The following ATP10D variants were observed in gnomAD, a reference collection of about 807,000 sequenced individuals.
The protein encoded by ATP10D is ATPase phospholipid transporting 10D (putative), also known as phospholipid-transporting ATPase VD.
In ATP10D, 89 loss-of-function variants were observed where a neutral mutation model predicts 144.8. The observed-to-expected ratio is 0.61, with a 90% CI of 0.52 to 0.73. The LOEUF (loss-of-function observed/expected upper bound fraction) is 0.73, where lower values mean the gene tolerates loss of function less well. Ranked by LOEUF, ATP10D falls within the 30% of genes least tolerant of loss-of-function variation. ATP10D has a pLI of 0.00. For missense variants in ATP10D, 1,603 were observed against 1,714.8 expected (o/e 0.93, Z 1.15); for synonymous variants, 571 against 615.1 (o/e 0.93, Z 1.06).
chr4:47,535,596 G>C lies in ATP10D; in HGVS notation c.864G>C (p.Val288=). The C allele has an allele frequency of 1.2e-6, 2 of 1,612,388 alleles. No homozygotes were observed. The highest frequency in any genetic ancestry group is 1.7e-6 in the Non-Finnish European group (2 of 1,179,288). ...CCATTAGAAACACAGAGGCTGTTGT[G>C]GGCATTGTGGTTTATGCAGGTCGGT... ...GCTIRNTEAV[V]GIVVYAGHET... The change falls in exon 6 of 23, where the codon GTG becomes GTC. Residue 288 remains valine (V), a synonymous_variant. Transcript: ENST00000273859.
chr4:47,570,223 G>A (rs1719878873), intron 16 of ATP10D, among the ~76,000 whole-genome samples: 1 of 152,152 alleles, frequency 6.6e-6, no homozygotes, highest in South Asian at 2.1e-4. Flanking sequence ...TGAAAAATGG[G>A]CATGGTCTGA....
At chr4:47,559,783 T>G (rs1405174537) in intron 13 of ATP10D, among the ~76,000 whole-genome samples, 1 of 152,092 alleles carries the variant, frequency 6.6e-6, no homozygotes, top group Non-Finnish European at 1.5e-5. Flanking sequence ...GTGGATCACC[T>G]GAGGTCAGGA....
intron 3 of ATP10D, among the ~76,000 whole-genome samples, chr4:47,521,439 T>C (rs1716939733): frequency 6.6e-6 from 1 of 152,190 alleles, no homozygotes; most frequent in Admixed American, 6.5e-5. Context: ...TTTCATCTTT[T>C]ATGTATCTGT....
intron 10 of ATP10D, chr4:47,547,473 T>C (rs1364494998): frequency 2.6e-5 from 4 of 152,252 alleles, no homozygotes; most frequent in Admixed American, 6.5e-5. Flanking sequence ...GAGGACCATG[T>C]AGATGATGGG....
At chr4:47,584,111 A>T (rs997969905) in intron 21 of ATP10D, among the ~76,000 whole-genome samples, 1 of 152,180 alleles carries the variant, frequency 6.6e-6, no homozygotes, top group African/African-American at 2.4e-5. Flanking sequence ...AGGATGCATC[A>T]TTAGAGAATT....
At position 47,535,516 on chromosome 4, in the gene ATP10D, T is replaced by C; in HGVS notation, c.784T>C (p.Ser262Pro). Reference protein sequence around the residue: ...LSRFRGFLEHSNKERVGLSKE... With the variant: ...LSRFRGFLEHPNKERVGLSKE... ...ATGCTGTCTTTCTTATAGAGAACAT[T>C]CCAACAAAGAACGCGTGGGTCTCAG... The change falls in exon 6 of 23, where the codon TCC becomes CCC. Residue 262 changes from serine to proline, a missense_variant. Coordinates refer to ENST00000273859, the MANE Select transcript of ATP10D (RefSeq NM_020453.4). 2 of 1,609,518 alleles carry C rather than the reference T, an allele frequency of 1.2e-6. No individual in the cohort carries two copies. Among genetic ancestry groups the C allele is most frequent in the Non-Finnish European group, 1.7e-6 (2 of 1,178,302 alleles).
intron 16 of ATP10D, among the ~76,000 whole-genome samples, chr4:47,569,391 A>G (rs1719825552): frequency 8.6e-6 from 1 of 116,400 alleles, no homozygotes; most frequent in African/African-American, 3.3e-5. Context: ...TTCTTAGTTC[A>G]GTGTCAGACC....
intron 10 of ATP10D, among the ~76,000 whole-genome samples, chr4:47,551,382 T>C (rs1289911175): frequency 1.3e-5 from 2 of 152,224 alleles, no homozygotes; most frequent in East Asian, 3.8e-4. Context: ...GGAAGCTGTC[T>C]ACATCATACT....
chr4:47,565,598 G>A (rs1370380733), intron 15 of ATP10D, among the ~76,000 whole-genome samples: 1 of 151,964 alleles, frequency 6.6e-6, no homozygotes, highest in Non-Finnish European at 1.5e-5. Flanking sequence ...TGGGGTTTTT[G>A]TGAGCATTAA....
chr4:47,519,242 G>C (rs1011311520), intron 3 of ATP10D, among the ~76,000 whole-genome samples: 4 of 152,058 alleles, frequency 2.6e-5, no homozygotes, highest in Admixed American at 2.6e-4. Context: ...TCCCTTACCA[G>C]CTCCCATCCT....
In ATP10D at chr4:47,553,926, A is replaced by G. The variant is rs540026703; in HGVS notation, c.1636-800A>G. Among the ~76,000 whole-genome samples, 12 of 152,336 alleles carry G rather than the reference A, an allele frequency of 7.9e-5. No homozygotes were observed. The East Asian group carries it at 2.3e-3, about 29-fold the overall frequency. On this transcript the variant is annotated intron_variant, in intron 10 of 22. Coordinates refer to ENST00000273859, the MANE Select transcript of ATP10D (RefSeq NM_020453.4). ...TAGAATACAATGGTGCTTTTGTACA[A>G]CCTTGATTTTGAGCATGTGGTTCCT...
rs75013050 is a variant in ATP10D at position 47,578,939 on chromosome 4, C to T, written c.3568-1459C>T. On this transcript the variant is annotated intron_variant, in intron 19 of 22. Coordinates refer to ENST00000273859, the MANE Select transcript of ATP10D (RefSeq NM_020453.4). ...ATTTGTATATTTATAAAGATTTGTT[C>T]TTTAAGAGACAGTGAGACATTTTCA... Among the ~76,000 whole-genome samples, 399 of 152,248 alleles carry T rather than the reference C, an allele frequency of 2.6e-3. 2 individuals are homozygous for T. Among genetic ancestry groups the T allele is most frequent in the African/African-American group, 9.1e-3 (377 of 41,554 alleles).
chr4:47,567,415 T>A (rs1227483817), intron 15 of ATP10D, among the ~76,000 whole-genome samples: 1 of 152,230 alleles, frequency 6.6e-6, no homozygotes, highest in Non-Finnish European at 1.5e-5. Context: ...CAATTTAAAA[T>A]CATATTTTGG....
intron 1 of ATP10D, among the ~76,000 whole-genome samples, chr4:47,509,268 A>T (rs897700797): frequency 7.2e-5 from 11 of 152,186 alleles, no homozygotes; most frequent in African/African-American, 2.7e-4. Flanking sequence ...ACATCCACTG[A>T]AATAAAATAA....
chr4:47,487,005 C>G (rs891501075), intron 1 of ATP10D, among the ~76,000 whole-genome samples: 1 of 151,932 alleles, frequency 6.6e-6, no homozygotes, highest in South Asian at 2.1e-4. Flanking sequence ...CCGAGGCAGG[C>G]GGATCACCTG....
intron 3 of ATP10D, among the ~76,000 whole-genome samples, chr4:47,522,733 C>G (rs746708099): frequency 7.9e-5 from 12 of 152,078 alleles, no homozygotes; most frequent in East Asian, 1.9e-4. Context: ...CCATGCCCAG[C>G]TGATTTTTGT....
At chr4:47,496,640 T>G (rs1034301605) in intron 1 of ATP10D, among the ~76,000 whole-genome samples, 1 of 152,170 alleles carries the variant, frequency 6.6e-6, no homozygotes, top group Non-Finnish European at 1.5e-5. Context: ...CTTTGCTACA[T>G]TCTACATTCA....
intron 4 of ATP10D, among the ~76,000 whole-genome samples, chr4:47,523,608 T>A (rs1405767707): frequency 6.6e-6 from 1 of 152,224 alleles, no homozygotes; most frequent in Non-Finnish European, 1.5e-5. Flanking sequence ...CGCTTCTCAG[T>A]ATTGTGCAGA....
At chr4:47,500,157 T>A (rs1715608889) in intron 1 of ATP10D, among the ~76,000 whole-genome samples, 1 of 152,252 alleles carries the variant, frequency 6.6e-6, no homozygotes, top group African/African-American at 2.4e-5. Context: ...CCTGATATTA[T>A]ACTCTTCTAG....
Sources: allele counts gnomAD v4.1 joint callset (sites outside exome capture counted in the v4.1 genomes callset), GRCh38; gene constraint gnomAD v4.1.1; transcripts MANE v1.5; gene names NCBI Gene and HGNC (gene_info 2026-07-23, HGNC 2026-07-21).